The following PSMA6 variants were observed in gnomAD, a reference collection of about 807,000 sequenced individuals.
The protein encoded by PSMA6 is proteasome 20S subunit alpha 6.
For synonymous variants in PSMA6, 88 were observed against 97.7 expected, an observed-to-expected ratio of 0.90 and a Z score of 0.59; for missense variants, 170 against 294.8, an observed-to-expected ratio of 0.58 and a Z score of 3.10.
At chr14:35,292,288 C>CT, upstream of PSMA6, 1 of 1,414,474 alleles carries the variant, frequency 7.1e-7, no homozygotes, top group Admixed American at 3.2e-5. Flanking sequence ...TCCACCACCC[C>CT]CTTAGGGGGC....
intron 1 of PSMA6, among the ~76,000 whole-genome samples, chr14:35,280,834 C>T (rs2051359061): frequency 6.6e-6 from 1 of 152,090 alleles, no homozygotes. Flanking sequence ...TCAAGCGATC[C>T]TCCTGCCTCA....
chr14:35,294,130 C>T (rs2051537103), intron 1 of PSMA6, among the ~76,000 whole-genome samples: 1 of 152,206 alleles, frequency 6.6e-6, no homozygotes, highest in Non-Finnish European at 1.5e-5. Flanking sequence ...CCGCAATCTC[C>T]GCCTCCCGGG....
intron 1 of PSMA6, among the ~76,000 whole-genome samples, chr14:35,295,934 A>G (rs2051578573): frequency 6.6e-6 from 1 of 152,156 alleles, no homozygotes; most frequent in African/African-American, 2.4e-5. Flanking sequence ...CAGCCTGGCT[A>G]CTTGTAGGCC....
intron 3 of PSMA6, among the ~76,000 whole-genome samples, chr14:35,309,424 A>G (rs955884219): frequency 3.3e-5 from 5 of 151,912 alleles, no homozygotes; most frequent in African/African-American, 1.2e-4. Flanking sequence ...CCAAGGTGAG[A>G]GGATTGTTTA....
At chr14:35,285,410 G>T (rs2051413029) in intron 1 of PSMA6, among the ~76,000 whole-genome samples, 1 of 149,520 alleles carries the variant, frequency 6.7e-6, no homozygotes, top group African/African-American at 2.5e-5. Context: ...GGACTCTCAA[G>T]AACTGGTTTC....
intron 1 of PSMA6, among the ~76,000 whole-genome samples, chr14:35,295,455 T>C (rs371239861): frequency 6.6e-6 from 1 of 151,772 alleles, no homozygotes; most frequent in Non-Finnish European, 1.5e-5. Context: ...TTTCTTTTTT[T>C]TTTTTTTCCC....
intron 1 of PSMA6, among the ~76,000 whole-genome samples, chr14:35,297,119 G>GTT (rs924383407): frequency 0.12 from 7,325 of 62,618 alleles, 1,252 homozygotes; most frequent in East Asian, 0.25. Flanking sequence ...TCTTAACAAA[G>GTT]TTTTTTTTTT....
At chr14:35,306,860 ATGTTGG>A (rs2051836379) in intron 1 of PSMA6, among the ~76,000 whole-genome samples, 1 of 151,982 alleles carries the variant, frequency 6.6e-6, no homozygotes, top group Non-Finnish European at 1.5e-5. Flanking sequence ...ATGGAGTCAT[ATGTTGG>A]CCTGGCATGG....
intron 3 of PSMA6, 47 bp from the exon 4 acceptor site, chr14:35,310,693 T>C (rs1156596830): frequency 6.2e-7 from 1 of 1,600,078 alleles, no homozygotes; most frequent in South Asian, 1.1e-5. Context: ...CTTTCAGGTT[T>C]GTTCTTTCCT....
chr14:35,314,198 T>C, intron 5 of PSMA6, 163 bp from the exon 6 acceptor site: 1 of 724,786 alleles, frequency 1.4e-6, no homozygotes, highest in Non-Finnish European at 1.9e-6. Flanking sequence ...TTTCTCATCA[T>C]TGGGAGGCAA....
At chr14:35,292,597 C>T in intron 1 of PSMA6, 45 bp downstream of exon 1, 2 of 1,606,286 alleles carry the variant, frequency 1.2e-6, no homozygotes, top group Non-Finnish European at 1.7e-6. Context: ...ATTGCCCTGT[C>T]ATGGTACGTG....
intron 3 of PSMA6, among the ~76,000 whole-genome samples, chr14:35,309,771 C>T (rs948565583): frequency 1.3e-5 from 2 of 151,744 alleles, no homozygotes; most frequent in African/African-American, 2.4e-5. Context: ...ACTCCAGCCT[C>T]GGCAACAGAG....
chr14:35,296,323 T>C (rs771069683), intron 1 of PSMA6, among the ~76,000 whole-genome samples: 1 of 114,104 alleles, frequency 8.8e-6, no homozygotes, highest in Non-Finnish European at 2.1e-5. Flanking sequence ...TTCTGGGTGT[T>C]TGTTTGTTTG....
intron 1 of PSMA6, among the ~76,000 whole-genome samples, chr14:35,303,697 A>G (rs1467417041): frequency 6.6e-6 from 1 of 152,222 alleles, no homozygotes; most frequent in African/African-American, 2.4e-5. Flanking sequence ...AAAGTTGTAC[A>G]GCTAGTCCTC....
chr14:35,310,707 A>G, intron 3 of PSMA6, 33 bp from the exon 4 acceptor site: 1 of 1,609,588 alleles, frequency 6.2e-7, no homozygotes, highest in Non-Finnish European at 8.5e-7. Flanking sequence ...CTTTCCTTCT[A>G]ACCAGGTAAA....
At position 35,309,013 on chromosome 14, in the gene PSMA6, A is replaced by G. The variant is rs777530015; in HGVS notation, c.253+18A>G. 2 of 1,508,320 alleles carry G rather than the reference A, an allele frequency of 1.3e-6. No individual in the cohort carries two copies. Among genetic ancestry groups the G allele is most frequent in the Non-Finnish European group, 1.8e-6 (2 of 1,091,994 alleles). 93.4% of individuals were successfully genotyped at this position (1,508,320 alleles called of 1,614,324 possible). On this transcript the variant is annotated intron_variant, in intron 3 of 6. Coordinates refer to ENST00000261479, the MANE Select transcript of PSMA6 (RefSeq NM_002791.3). ...AATGACAGGTAATTAATCTGTAGAT[A>G]TACAAGACATCTGTAGATATACAAG...
chr14:35,280,023 G>A lies in PSMA6; in HGVS notation c.19+1305G>A, dbSNP rs570094358. Among the ~76,000 whole-genome samples the A allele has an allele frequency of 2.0e-5, 3 of 152,182 alleles. No individual in the cohort carries two copies. The South Asian group carries it at 6.2e-4, about 32-fold the overall frequency. ...GCCTGTAATCCCAGCTACTCGGGAG[G>A]CTGAGGCAGGAGAATGGCGTGAACC... On this transcript the variant is annotated intron_variant, in intron 1 of 6. Coordinates refer to the PSMA6 transcript ENST00000540871.
upstream of PSMA6, among the ~76,000 whole-genome samples, chr14:35,292,144 C>A (rs1298685758): frequency 6.6e-6 from 1 of 152,226 alleles, no homozygotes; most frequent in Non-Finnish European, 1.5e-5. Flanking sequence ...CCCCAGGAAG[C>A]CTTTTCGTCC....
intron 1 of PSMA6, among the ~76,000 whole-genome samples, chr14:35,306,942 T>A (rs1422362848): frequency 6.6e-6 from 1 of 151,972 alleles, no homozygotes; most frequent in Non-Finnish European, 1.5e-5. Context: ...AGGTCAGGAG[T>A]TCGGCACCAG....
Sources: allele counts gnomAD v4.1 joint callset (sites outside exome capture counted in the v4.1 genomes callset), GRCh38; gene constraint gnomAD v4.1.1; transcripts MANE v1.5; gene names NCBI Gene and HGNC (gene_info 2026-07-23, HGNC 2026-07-21).